DAPK1: variants seen among roughly 807,000 people sequenced by gnomAD.
DAPK1 encodes the protein death-associated protein kinase 1.
Under a neutral mutation model 144.9 loss-of-function variants are expected in DAPK1, and 56 were observed. The ratio of observed to expected loss-of-function variants is 0.39; its 90% CI spans 0.31 to 0.48. The LOEUF is 0.48. Ranked by LOEUF, DAPK1 falls within the 20% of genes least tolerant of loss-of-function variation. The pLI is 0.95. For synonymous variants in DAPK1, 690 were observed against 749.0 expected, an observed-to-expected ratio of 0.92 and a Z score of 1.29; for missense variants, 1,454 against 1,875.4, an observed-to-expected ratio of 0.78 and a Z score of 4.15.
At chr9:87,674,940 A>G (rs945659179) in intron 19 of DAPK1, among the ~76,000 whole-genome samples, 8 of 152,214 alleles carry the variant, frequency 5.3e-5, no homozygotes, top group Admixed American at 2.6e-4. Flanking sequence ...TCACTCACAC[A>G]CTGAAAAGAT....
At chr9:87,577,074 A>G (rs1256486596) in intron 2 of DAPK1, among the ~76,000 whole-genome samples, 4 of 152,232 alleles carry the variant, frequency 2.6e-5, no homozygotes, top group African/African-American at 9.6e-5. Context: ...GTGTTTGGGG[A>G]AGAGATAATA....
chr9:87,668,899 T>A, intron 19 of DAPK1: 1 of 509,104 alleles, frequency 2.0e-6, no homozygotes. Flanking sequence ...ATGTTTGCAG[T>A]TGCCGTGCCT....
chr9:87,539,140 A>G (rs1825955131), intron 2 of DAPK1, among the ~76,000 whole-genome samples: 1 of 151,670 alleles, frequency 6.6e-6, no homozygotes, highest in African/African-American at 2.4e-5. Flanking sequence ...TGGATGCTAC[A>G]TATATCTTAT....
At chr9:87,567,270 T>C (rs1327619760) in intron 2 of DAPK1, among the ~76,000 whole-genome samples, 1 of 152,152 alleles carries the variant, frequency 6.6e-6, no homozygotes, top group Non-Finnish European at 1.5e-5. Flanking sequence ...AGCTGTGTAG[T>C]AGGCCATCTG....
intron 20 of DAPK1, among the ~76,000 whole-genome samples, chr9:87,684,807 C>T (rs1285834685): frequency 6.6e-6 from 1 of 152,196 alleles, no homozygotes; most frequent in Non-Finnish European, 1.5e-5. Flanking sequence ...AAAATGATTT[C>T]CTGGGATTTC....
rs1403784451 is a variant in DAPK1, at chr9:87,647,266, G to C, written c.1231-39G>C. 3.3e-6 allele frequency: 5 copies of C among 1,530,368 alleles called. No individual in the cohort carries two copies. In the South Asian group the frequency reaches 4.5e-5, roughly 14 times the overall value. The allele number at this position is 1,530,368 out of a possible 1,614,324, so 94.8% of individuals were successfully genotyped here. On this transcript the variant is annotated intron_variant, in intron 13 of 25. Transcript: ENST00000408954. ...GGAATGCATGCATCTGGTGCTGTCA[G>C]CTCCCTAGAAATGTGACCCCAGGTT...
intron 2 of DAPK1, among the ~76,000 whole-genome samples, chr9:87,508,366 G>A (rs184397372): frequency 4.8e-5 from 7 of 146,036 alleles, no homozygotes; most frequent in South Asian, 4.3e-4. Flanking sequence ...TTTTTTAAAC[G>A]GAGTCTTGCT....
At position 87,612,792 on chromosome 9, in the gene DAPK1, G is replaced by C. The variant is rs62576184; in HGVS notation, c.284+7617G>C. On this transcript the variant is annotated intron_variant, in intron 3 of 25. Coordinates refer to ENST00000408954, the MANE Select transcript of DAPK1 (RefSeq NM_004938.4). ...AGCCTGAGCAGAGAAGGATTGGAGC[G>C]GGGGTGGGGGTTTGGAGTCTAACAT... Among the ~76,000 whole-genome samples, 202 of 152,302 alleles carry C rather than the reference G, an allele frequency of 1.3e-3. 1 individual carries two copies. The highest frequency in any genetic ancestry group is 2.3e-3 in the Non-Finnish European group (155 of 68,028).
intron 2 of DAPK1, among the ~76,000 whole-genome samples, chr9:87,537,528 G>A (rs1332963778): frequency 2.0e-5 from 3 of 152,072 alleles, no homozygotes; most frequent in African/African-American, 7.2e-5. Flanking sequence ...CATACATGGT[G>A]TATGTGTGTG....
At chr9:87,534,213 A>G (rs1825789767) in intron 2 of DAPK1, among the ~76,000 whole-genome samples, 1 of 151,210 alleles carries the variant, frequency 6.6e-6, no homozygotes, top group African/African-American at 2.4e-5. Context: ...TATGCCACAC[A>G]TATGGCCAAA....
Position 87,707,268 on chromosome 9 carries a change from C to A in DAPK1, c.4197C>A (p.Phe1399Leu). 1 of 1,614,060 alleles carries A rather than the reference C, an allele frequency of 6.2e-7. No individual in the cohort carries two copies. Among genetic ancestry groups the A allele is most frequent in the Non-Finnish European group, 8.5e-7 (1 of 1,179,962 alleles). Reference sequence around the variant, plus strand: ...TTTTGCTGAAGGCATCCTCTGTGTTCAAAATCAACCTGGATGGCAATGGCC... The same window carrying A: ...TTTTGCTGAAGGCATCCTCTGTGTTAAAAATCAACCTGGATGGCAATGGCC... ...ADFLLKASSV[F>L]KINLDGNGQE... The change falls in exon 26 of 26, where the codon TTC (phenylalanine) becomes TTA (leucine). Residue 1399 changes from phenylalanine (F) to leucine (L), a missense_variant. By Grantham distance (22) the Phe-to-Leu change is conservative. This residue lies in a region of DAPK1 where 1,025 missense variants were observed against 1,237.9 expected (regional missense o/e 0.83). Transcript: ENST00000408954. This position sits in a 1 kb window ranked among gnomAD's most constrained non-coding sequence, Gnocchi z 4.0.
At chr9:87,637,530 T>C (rs1189755839) in intron 3 of DAPK1, among the ~76,000 whole-genome samples, 1 of 152,232 alleles carries the variant, frequency 6.6e-6, no homozygotes, top group Non-Finnish European at 1.5e-5. Context: ...TTATGAACTT[T>C]TCAGGTACTC....
chr9:87,540,568 A>G (rs1826013304), intron 2 of DAPK1, among the ~76,000 whole-genome samples: 1 of 152,216 alleles, frequency 6.6e-6, no homozygotes. Context: ...GAAACGTAGT[A>G]GATACAGTGT....
rs2119181720 is a variant in DAPK1 at position 87,651,578 on chromosome 9, A to C, written c.1678A>C (p.Ile560Leu). The C allele has an allele frequency of 6.2e-7, 1 of 1,614,190 alleles. No homozygotes were observed. The highest frequency in any genetic ancestry group is 1.3e-5 in the African/African-American group (1 of 75,040). ...TGTAAGACGGTGTCAGATGGAGGTA[A>C]TCAAGACTCTCCTCAGCCAAGGGTG... ...LAVRRCQMEV[I>L]KTLLSQGCFV... Residue 560 changes from isoleucine to leucine, a missense_variant, in exon 17 of 26, where the codon ATC (isoleucine) becomes CTC (leucine). Ile to Leu is a conservative substitution (Grantham distance 5). Transcript: ENST00000408954.
intron 2 of DAPK1, among the ~76,000 whole-genome samples, chr9:87,527,901 T>C (rs532540049): frequency 6.6e-6 from 1 of 152,360 alleles, no homozygotes; most frequent in East Asian, 1.9e-4. Flanking sequence ...CTGCGAACAA[T>C]TGTTTGCTGA....
intron 2 of DAPK1, among the ~76,000 whole-genome samples, chr9:87,524,375 A>G (rs1470224517): frequency 2.0e-5 from 3 of 152,210 alleles, no homozygotes. Flanking sequence ...CAGGGCCCTC[A>G]GGTGGTTCCC....
At chr9:87,532,840 A>G (rs1287853710) in intron 2 of DAPK1, among the ~76,000 whole-genome samples, 1 of 152,196 alleles carries the variant, frequency 6.6e-6, no homozygotes, top group African/African-American at 2.4e-5. Context: ...CCCTCCACCC[A>G]GAGTCTGTAA....
At chr9:87,644,574 C>A (rs36212381) in intron 11 of DAPK1, among the ~76,000 whole-genome samples, 5 of 150,908 alleles carry the variant, frequency 3.3e-5, no homozygotes, top group Non-Finnish European at 7.4e-5. Context: ...CAGATTAGGG[C>A]GAGAAGAGAG....
chr9:87,622,012 G>T (rs1489314098), intron 3 of DAPK1, among the ~76,000 whole-genome samples: 7 of 150,856 alleles, frequency 4.6e-5, no homozygotes, highest in Non-Finnish European at 1.0e-4. Context: ...GATGCACATT[G>T]AGCCACCATT....
Sources: allele counts gnomAD v4.1 joint callset (sites outside exome capture counted in the v4.1 genomes callset), GRCh38; gene constraint gnomAD v4.1.1; regional missense constraint gnomAD v4.1.1; non-coding constraint Gnocchi (gnomAD v3.1); transcripts MANE v1.5; gene names NCBI Gene and HGNC (gene_info 2026-07-23, HGNC 2026-07-21).